Variants in SLC10A7 observed in about 807,000 individuals in gnomAD.
SLC10A7 encodes the protein solute carrier family 10 member 7.
SLC10A7 carries 29 observed loss-of-function variants against 43.2 expected under a neutral mutation model. The ratio of observed to expected loss-of-function variants is 0.67; its 90% CI spans 0.50 to 0.92. The LOEUF is 0.92. Ranked by LOEUF, SLC10A7 falls within the 40% of genes least tolerant of loss-of-function variation. SLC10A7 has a pLI of 0.00. For missense variants in SLC10A7, 295 were observed against 403.2 expected (o/e 0.73, Z 2.30); for synonymous variants, 152 against 144.8 (o/e 1.05, Z -0.35).
At chr4:146,344,778 T>C (rs28625764) in intron 5 of SLC10A7, among the ~76,000 whole-genome samples, 20,745 of 152,066 alleles carry the variant, frequency 0.14, 1,460 homozygotes, top group Non-Finnish European at 0.15. Context: ...AATAGTACTC[T>C]TCCCACTAGT....
intron 5 of SLC10A7, among the ~76,000 whole-genome samples, chr4:146,366,978 C>A (rs949973831): frequency 4.0e-5 from 6 of 151,846 alleles, no homozygotes; most frequent in African/African-American, 7.2e-5. Flanking sequence ...TTCTTCTGCC[C>A]AAGCAATAAG....
chr4:146,320,684 A>T (rs1732644322), intron 6 of SLC10A7, among the ~76,000 whole-genome samples: 1 of 152,208 alleles, frequency 6.6e-6, no homozygotes, highest in South Asian at 2.1e-4. Flanking sequence ...AATACTGAAA[A>T]TACCAAGAAT....
At chr4:146,283,719 T>C (rs1012887048) in intron 9 of SLC10A7, among the ~76,000 whole-genome samples, 6 of 152,136 alleles carry the variant, frequency 3.9e-5, no homozygotes, top group African/African-American at 1.4e-4. Context: ...TCATATATTT[T>C]AGTAAAAACA....
chr4:146,409,305 G>GA (rs989296569), intron 5 of SLC10A7, among the ~76,000 whole-genome samples: 2 of 107,420 alleles, frequency 1.9e-5, no homozygotes, highest in African/African-American at 3.5e-5. Context: ...CTTCCAAATA[G>GA]AAAAAAAATG....
At position 146,357,210 on chromosome 4, in the gene SLC10A7, CTATTT is replaced by C. The variant is rs540068322; in HGVS notation, c.436-31219_436-31215del. Among the ~76,000 whole-genome samples, 409 of 152,264 alleles carry C rather than the reference CTATTT, an allele frequency of 2.7e-3. 1 individual carries two copies. Among genetic ancestry groups the C allele is most frequent in the African/African-American group, 9.2e-3 (383 of 41,570 alleles). On this transcript the variant is annotated intron_variant, in intron 5 of 11. Transcript: ENST00000335472. ...ATTTCTGTATGTGCATAATTCATTT[CTATTT>C]TATTTTCATGGCAATAATGTAAAGC...
chr4:146,400,786 A>G (rs1015389216), intron 5 of SLC10A7, among the ~76,000 whole-genome samples: 3 of 152,120 alleles, frequency 2.0e-5, no homozygotes, highest in African/African-American at 7.2e-5. Context: ...GTGTGTCGAT[A>G]AGGGTTTCTA....
intron 4 of SLC10A7, among the ~76,000 whole-genome samples, chr4:146,484,264 G>T (rs1278424327): frequency 1.3e-5 from 2 of 152,192 alleles, no homozygotes; most frequent in Non-Finnish European, 2.9e-5. Flanking sequence ...TGAGGCAGAA[G>T]GACTACTTGA....
intron 5 of SLC10A7, among the ~76,000 whole-genome samples, chr4:146,402,277 T>G (rs1739276886): frequency 6.6e-6 from 1 of 152,202 alleles, no homozygotes. Flanking sequence ...TACCTCTAAT[T>G]TCAGTCAGCA....
At chr4:146,286,151 T>C (rs1392277954) in intron 9 of SLC10A7, among the ~76,000 whole-genome samples, 1 of 151,454 alleles carries the variant, frequency 6.6e-6, no homozygotes, top group African/African-American at 2.4e-5. Context: ...TGAGAAGGAC[T>C]GAGTTTGGAG....
intron 9 of SLC10A7, 42 bp downstream of exon 9, chr4:146,292,887 C>G: frequency 7.0e-7 from 1 of 1,421,016 alleles, no homozygotes. Context: ...CGCATGATTC[C>G]TAATTTAGAA....
At chr4:146,511,151 C>T (rs897630693) in intron 2 of SLC10A7, among the ~76,000 whole-genome samples, 2 of 151,946 alleles carry the variant, frequency 1.3e-5, no homozygotes, top group Non-Finnish European at 2.9e-5. Context: ...ACTGCTGCCC[C>T]AAGAGGGGAA....
At chr4:146,305,810 C>T (rs1432296475) in intron 7 of SLC10A7, 116 bp downstream of exon 7, 6 of 881,404 alleles carry the variant, frequency 6.8e-6, no homozygotes, top group African/African-American at 1.8e-5. Flanking sequence ...TTTTTAGTCT[C>T]ATATTTTCAT....
intron 2 of SLC10A7, among the ~76,000 whole-genome samples, chr4:146,510,443 G>A (rs1468370278): frequency 2.0e-5 from 3 of 152,046 alleles, no homozygotes; most frequent in South Asian, 2.1e-4. Context: ...TTGTATTTTA[G>A]TAGGATGGGA....
intron 5 of SLC10A7, among the ~76,000 whole-genome samples, chr4:146,440,715 C>T (rs1730534329): frequency 6.6e-6 from 1 of 152,058 alleles, no homozygotes; most frequent in Non-Finnish European, 1.5e-5. Flanking sequence ...AACACTGGAG[C>T]AAAACATACC....
intron 4 of SLC10A7, among the ~76,000 whole-genome samples, chr4:146,468,903 CA>C (rs1202124932): frequency 1.1e-4 from 16 of 152,140 alleles, no homozygotes; most frequent in African/African-American, 3.9e-4. Context: ...ATAACAAATA[CA>C]TTTTTTTAAA....
At chr4:146,414,270 T>C (rs760971101) in intron 5 of SLC10A7, among the ~76,000 whole-genome samples, 1 of 152,018 alleles carries the variant, frequency 6.6e-6, no homozygotes, top group Non-Finnish European at 1.5e-5. Flanking sequence ...AAAACTCCAA[T>C]AAAGGTGATC....
intron 5 of SLC10A7, among the ~76,000 whole-genome samples, chr4:146,399,117 T>G (rs1439927882): frequency 3.9e-5 from 6 of 152,002 alleles, no homozygotes. Context: ...GACACTGGAG[T>G]GACAAGAGGA....
At chr4:146,435,971 G>A (rs1730177479) in intron 5 of SLC10A7, among the ~76,000 whole-genome samples, 1 of 151,800 alleles carries the variant, frequency 6.6e-6, no homozygotes, top group Admixed American at 6.6e-5. Flanking sequence ...TTGTTAAAGG[G>A]TAATAAAATA....
chr4:146,393,191 CAAAAAAAAA>C (rs765135958), intron 5 of SLC10A7, among the ~76,000 whole-genome samples: 4 of 42,068 alleles, frequency 9.5e-5, no homozygotes, highest in African/African-American at 2.8e-4. Context: ...GGCCCTGTCT[CAAAAAAAAA>C]AAAAAAAAAA....
Sources: allele counts gnomAD v4.1 joint callset (sites outside exome capture counted in the v4.1 genomes callset), GRCh38; gene constraint gnomAD v4.1.1; transcripts MANE v1.5; gene names NCBI Gene and HGNC (gene_info 2026-07-23, HGNC 2026-07-21).